The following COA1 variants were observed in gnomAD, a reference collection of about 807,000 sequenced individuals.
COA1 encodes cytochrome c oxidase assembly factor 1.
COA1 carries 13 observed loss-of-function variants against 16.0 expected under a neutral mutation model. The ratio of observed to expected loss-of-function variants is 0.81; its 90% CI spans 0.53 to 1.29. The LOEUF (loss-of-function observed/expected upper bound fraction) is 1.29. COA1 is among the 50% of genes most tolerant of loss of function. The pLI is 0.00. For missense variants in COA1, 179 were observed against 177.0 expected (o/e 1.01, Z -0.06); for synonymous variants, 65 against 65.7 (o/e 0.99, Z 0.05).
downstream of COA1, among the ~76,000 whole-genome samples, chr7:43,638,037 T>C (rs1405452080): frequency 6.6e-6 from 1 of 152,194 alleles, no homozygotes; most frequent in Non-Finnish European, 1.5e-5. Context: ...CTCTGCCATT[T>C]ATTTTAAAAG....
At chr7:43,728,601 T>A (rs553470955) in intron 1 of COA1, among the ~76,000 whole-genome samples, 2 of 152,310 alleles carry the variant, frequency 1.3e-5, no homozygotes, top group East Asian at 3.9e-4. Flanking sequence ...CAAGACCCTG[T>A]AGGCCCTTGA....
chr7:43,673,960 A>T (rs1335262069), intron 1 of COA1, among the ~76,000 whole-genome samples: 1 of 112,062 alleles, frequency 8.9e-6, no homozygotes, highest in Non-Finnish European at 2.4e-5. Context: ...GTATAGACAC[A>T]AAGAAAGGCA....
At chr7:43,624,931 A>ATCCACTTCC in intron 6 of COA1, 1 of 1,167,916 alleles carries the variant, frequency 8.6e-7, no homozygotes, top group Non-Finnish European at 1.2e-6. Flanking sequence ...CATGTACTGG[A>ATCCACTTCC]AGTGGATAAC....
chr7:43,665,382 T>A (rs566037736), intron 1 of COA1, among the ~76,000 whole-genome samples: 7 of 152,304 alleles, frequency 4.6e-5, no homozygotes, highest in South Asian at 4.1e-4. Context: ...GGAAAATAAA[T>A]CATTACTATT....
At chr7:43,671,747 G>C (rs980435947) in intron 1 of COA1, among the ~76,000 whole-genome samples, 1 of 152,164 alleles carries the variant, frequency 6.6e-6, no homozygotes, top group Admixed American at 6.5e-5. Context: ...AAGACCAGGT[G>C]GAGGTAATCA....
intron 1 of COA1, among the ~76,000 whole-genome samples, chr7:43,673,287 T>G (rs990933754): frequency 6.6e-6 from 1 of 151,998 alleles, no homozygotes; most frequent in African/African-American, 2.4e-5. Context: ...CCAGAATCTA[T>G]AAGCAACTTA....
At chr7:43,704,127 G>A (rs2094873633) in intron 1 of COA1, among the ~76,000 whole-genome samples, 1 of 152,198 alleles carries the variant, frequency 6.6e-6, no homozygotes, top group African/African-American at 2.4e-5. Flanking sequence ...TTTTCTTTAA[G>A]GATGCTGAAT....
At chr7:43,610,647 A>G (rs1038699506) in intron 6 of COA1, among the ~76,000 whole-genome samples, 9 of 152,162 alleles carry the variant, frequency 5.9e-5, no homozygotes, top group African/African-American at 2.2e-4. Flanking sequence ...AGCCTAGGCA[A>G]CAGAGCGAGA....
chr7:43,628,469 A>T (rs921873060), intron 6 of COA1, among the ~76,000 whole-genome samples: 10 of 152,232 alleles, frequency 6.6e-5, no homozygotes, highest in African/African-American at 2.4e-4. Context: ...TTAAAAAGCT[A>T]GGAGTAGAAT....
At chr7:43,616,853 C>T (rs942267315) in intron 6 of COA1, among the ~76,000 whole-genome samples, 5 of 152,056 alleles carry the variant, frequency 3.3e-5, no homozygotes, top group African/African-American at 4.8e-5. Flanking sequence ...GCCGAGATCG[C>T]GCCACTGCAC....
intron 6 of COA1, among the ~76,000 whole-genome samples, chr7:43,611,728 C>T (rs935671862): frequency 6.6e-6 from 1 of 152,050 alleles, no homozygotes; most frequent in African/African-American, 2.4e-5. Context: ...TATGCTGTAG[C>T]TTCTTTCATG....
intron 1 of COA1, among the ~76,000 whole-genome samples, chr7:43,708,832 G>C (rs2095102437): frequency 6.6e-6 from 1 of 151,958 alleles, no homozygotes; most frequent in African/African-American, 2.4e-5. Context: ...CTTTGTCACA[G>C]AGTTGCAACC....
intron 1 of COA1, chr7:43,659,078 A>C (rs1437810348): frequency 1.3e-5 from 2 of 152,278 alleles, no homozygotes; most frequent in Non-Finnish European, 2.9e-5. Flanking sequence ...GAATGGAAGC[A>C]GGGAGTCCAA....
chr7:43,647,506 A>G (rs2089709826), intron 3 of COA1, 29 bp downstream of exon 3: 1 of 1,496,568 alleles, frequency 6.7e-7, no homozygotes, highest in Non-Finnish European at 9.3e-7. Context: ...GGAGGAGGTC[A>G]GGCCGCAGGC....
intron 1 of COA1, among the ~76,000 whole-genome samples, chr7:43,651,824 G>A (rs900976899): frequency 1.1e-4 from 16 of 151,852 alleles, no homozygotes; most frequent in Non-Finnish European, 1.5e-4. Context: ...TGGTGGAACC[G>A]AAACTCTACA....
rs1357014755 is a variant in COA1 at position 43,641,974 on chromosome 7, C to CGGGGCA, written c.265-1331_265-1326dup. ...CTCGGTGATGGCCAAAGATACCTCCCGGGGCAGGGGCAGGGGAGGGAATTG... is the reference window on the plus strand; with the variant it reads ...CTCGGTGATGGCCAAAGATACCTCCCGGGGCAGGGGCAGGGGCAGGGGAGGGAATTG... On this transcript the variant is annotated intron_variant, in intron 4 of 5. Transcript: ENST00000223336. 2.6e-5 allele frequency: 4 copies of CGGGGCA among 152,202 alleles called. No homozygotes were observed. In the South Asian group the frequency reaches 6.2e-4, roughly 24 times the overall value. 9.4% of individuals were successfully genotyped at this position (152,202 alleles called of 1,614,324 possible).
At chr7:43,691,338 AGAGAGG>A (rs1341737204) in intron 1 of COA1, among the ~76,000 whole-genome samples, 39 of 36,514 alleles carry the variant, frequency 1.1e-3, no homozygotes, top group Non-Finnish European at 1.6e-3. Context: ...AGAGAAAGAG[AGAGAGG>A]GAGGGAGGGA....
chr7:43,707,491 C>A (rs2095037830), intron 1 of COA1, among the ~76,000 whole-genome samples: 1 of 152,088 alleles, frequency 6.6e-6, no homozygotes, highest in African/African-American at 2.4e-5. Flanking sequence ...TGCCAGTAGC[C>A]CATTGGTTCC....
intron 1 of COA1, among the ~76,000 whole-genome samples, chr7:43,728,123 C>A (rs959647983): frequency 3.3e-5 from 5 of 151,980 alleles, no homozygotes; most frequent in African/African-American, 1.2e-4. Flanking sequence ...TACAGGCTCC[C>A]GCCACCACGC....
Sources: gnomAD v4.1 joint callset for allele counts (sites outside exome capture counted in the v4.1 genomes callset) on GRCh38, gnomAD v4.1.1 for gene constraint, MANE v1.5 for transcripts, NCBI Gene and HGNC (gene_info 2026-07-23, HGNC 2026-07-21) for gene names.